MAP2: variants seen among roughly 807,000 people sequenced by gnomAD.
MAP2 encodes the protein microtubule-associated protein 2.
Under a neutral mutation model 137.6 loss-of-function variants are expected in MAP2, and 14 were observed. That is an observed-to-expected ratio of 0.10 (90% CI 0.07 to 0.16). The LOEUF (loss-of-function observed/expected upper bound fraction) is 0.16. Ranked by LOEUF, MAP2 falls within the 10% of genes least tolerant of loss-of-function variation. The pLI, the probability that MAP2 is intolerant of heterozygous loss-of-function variation, is 1.00. For synonymous variants in MAP2, 786 were observed against 782.3 expected, an observed-to-expected ratio of 1.00 and a Z score of -0.08; for missense variants, 2,088 against 2,191.5, an observed-to-expected ratio of 0.95 and a Z score of 0.94.
intron 1 of MAP2, among the ~76,000 whole-genome samples, chr2:209,470,079 A>G (rs1049392545): frequency 1.3e-5 from 2 of 152,234 alleles, no homozygotes; most frequent in African/African-American, 4.8e-5. Flanking sequence ...CATCAAACAC[A>G]TATGTTTGCT....
In MAP2 at chr2:209,728,577, A is replaced by G. The variant is rs529948223; in HGVS notation, c.5156-1273A>G. Among the ~76,000 whole-genome samples the G allele has an allele frequency of 3.9e-5, 6 of 152,364 alleles. No individual in the cohort carries two copies. The South Asian group carries it at 1.2e-3, about 32-fold the overall frequency. On this transcript the variant is annotated intron_variant, in intron 14 of 15. Coordinates refer to ENST00000682079, the MANE Select transcript of MAP2 (RefSeq NM_001375505.1). ...CCTGGCCAGGCAGTTGGGTATTAACATAGATGTCTAGATATTGCATGAGAA... is the reference window on the plus strand; with the variant it reads ...CCTGGCCAGGCAGTTGGGTATTAACGTAGATGTCTAGATATTGCATGAGAA...
chr2:209,541,864 T>C (rs1363993458), intron 2 of MAP2, among the ~76,000 whole-genome samples: 2 of 152,154 alleles, frequency 1.3e-5, no homozygotes, highest in African/African-American at 4.8e-5. Context: ...CCCCTCAAAG[T>C]CATCTGTGAG....
intron 1 of MAP2, among the ~76,000 whole-genome samples, chr2:209,491,423 A>G (rs569844406): frequency 7.6e-4 from 116 of 152,304 alleles, no homozygotes; most frequent in Middle Eastern, 3.4e-3. Flanking sequence ...AAAAGCTAGC[A>G]GAAGACAAGA....
At chr2:209,647,217 C>T (rs991710032) in intron 4 of MAP2, among the ~76,000 whole-genome samples, 1 of 152,090 alleles carries the variant, frequency 6.6e-6, no homozygotes, top group Non-Finnish European at 1.5e-5. Flanking sequence ...AACCACACCA[C>T]GATCCAGTCA....
intron 2 of MAP2, among the ~76,000 whole-genome samples, chr2:209,523,510 C>T (rs1252577252): frequency 2.6e-5 from 4 of 152,154 alleles, no homozygotes; most frequent in Non-Finnish European, 5.9e-5. Context: ...CAGCCTACGT[C>T]TTCTGCATGC....
At chr2:209,447,130 A>G (rs1699258372) in intron 1 of MAP2, among the ~76,000 whole-genome samples, 1 of 152,030 alleles carries the variant, frequency 6.6e-6, no homozygotes, top group South Asian at 2.1e-4. Flanking sequence ...TTCCAGACAG[A>G]AGTTCTACAT....
chr2:209,460,598 T>C, intron 1 of MAP2, among the ~76,000 whole-genome samples: 1 of 151,492 alleles, frequency 6.6e-6, no homozygotes, highest in Admixed American at 6.6e-5. Flanking sequence ...TTTCCTTCCT[T>C]CCTTCCTTCC....
At chr2:209,512,188 C>T (rs1477302981) in intron 2 of MAP2, among the ~76,000 whole-genome samples, 1 of 151,926 alleles carries the variant, frequency 6.6e-6, no homozygotes, top group Non-Finnish European at 1.5e-5. Flanking sequence ...ACTTTTAGTC[C>T]ACTTTTAAGC....
At chr2:209,503,254 G>GCCT (rs1285009025) in intron 1 of MAP2, among the ~76,000 whole-genome samples, 1 of 151,834 alleles carries the variant, frequency 6.6e-6, no homozygotes, top group Non-Finnish European at 1.5e-5. Flanking sequence ...ACCCTCCTTG[G>GCCT]CCTCCCAAAG....
chr2:209,607,221 G>T (rs1559398358), intron 3 of MAP2, among the ~76,000 whole-genome samples: 1 of 152,058 alleles, frequency 6.6e-6, no homozygotes, highest in African/African-American at 2.4e-5. Flanking sequence ...AAGGTGTTTT[G>T]AATATTTAAA....
intron 1 of MAP2, among the ~76,000 whole-genome samples, chr2:209,464,146 T>TA (rs1703551928): frequency 6.6e-6 from 1 of 152,118 alleles, no homozygotes; most frequent in South Asian, 2.1e-4. Context: ...CTGTGCTCTA[T>TA]GCCATCCCAA....
At chr2:209,704,343 A>G (rs2062711361) in intron 11 of MAP2, 1 of 882,506 alleles carries the variant, frequency 1.1e-6, no homozygotes, top group South Asian at 2.1e-5. Context: ...ATGTGTTCTT[A>G]TTAAAAAGAC....
intron 2 of MAP2, among the ~76,000 whole-genome samples, chr2:209,510,001 A>T (rs1380948311): frequency 1.3e-5 from 2 of 149,006 alleles, no homozygotes; most frequent in Admixed American, 6.8e-5. Flanking sequence ...TTTAGACTGG[A>T]AACGTGTTTT....
intron 2 of MAP2, among the ~76,000 whole-genome samples, chr2:209,550,567 C>T (rs987067685): frequency 6.6e-6 from 1 of 152,042 alleles, no homozygotes; most frequent in Non-Finnish European, 1.5e-5. Flanking sequence ...GAATATGAAA[C>T]AACCTCCTGG....
At chr2:209,444,179 G>A (rs1698488829) in intron 1 of MAP2, among the ~76,000 whole-genome samples, 1 of 151,424 alleles carries the variant, frequency 6.6e-6, no homozygotes, top group Admixed American at 6.6e-5. Flanking sequence ...CAGCAAAGTA[G>A]TCAGAAGTTT....
Position 209,444,707 on chromosome 2 carries a change from CTA to C in MAP2, c.-222+20433_-222+20434del, listed in dbSNP as rs749192081. ...TTAACTTGAAATTTAATTATAATAA[CTA>C]TTTTTATTTTTCAAACTGAGTCATC... On this transcript the variant is annotated intron_variant, in intron 1 of 15. Coordinates refer to ENST00000682079, the MANE Select transcript of MAP2 (RefSeq NM_001375505.1). Among the ~76,000 whole-genome samples, 13 of 151,524 alleles carry C rather than the reference CTA, an allele frequency of 8.6e-5. No homozygotes were observed. In the South Asian group the frequency reaches 1.0e-3, roughly 12 times the overall value.
At chr2:209,652,556 A>G (rs2094879292) in intron 4 of MAP2, among the ~76,000 whole-genome samples, 1 of 152,158 alleles carries the variant, frequency 6.6e-6, no homozygotes, top group Admixed American at 6.5e-5. Context: ...AAGTGTATCT[A>G]CCTTCGGCTT....
rs573842663 is a variant in MAP2 at position 209,598,224 on chromosome 2, C to G, written c.-107+18124C>G. Reference sequence around the variant, plus strand: ...GTTTCACCATATTGGCCAGGCTGGTCGCGAACTCCTGATCTTGTGATCTGC... The same window carrying G: ...GTTTCACCATATTGGCCAGGCTGGTGGCGAACTCCTGATCTTGTGATCTGC... On this transcript the variant is annotated intron_variant, in intron 3 of 15. Coordinates refer to ENST00000682079, the MANE Select transcript of MAP2 (RefSeq NM_001375505.1). 2.6e-5 allele frequency among the ~76,000 whole-genome samples: 4 copies of G among 151,826 alleles called. No individual in the cohort carries two copies. The South Asian group carries it at 8.3e-4, about 32-fold the overall frequency.
At chr2:209,700,610 TA>T (rs1481128706) in intron 11 of MAP2, among the ~76,000 whole-genome samples, 1 of 152,116 alleles carries the variant, frequency 6.6e-6, no homozygotes, top group African/African-American at 2.4e-5. Flanking sequence ...ATGGCAAAAG[TA>T]AGGAAGTCCA....
Sources: allele counts gnomAD v4.1 joint callset (sites outside exome capture counted in the v4.1 genomes callset), GRCh38; gene constraint gnomAD v4.1.1; transcripts MANE v1.5; gene names NCBI Gene and HGNC (gene_info 2026-07-23, HGNC 2026-07-21).